BAZ1A: variants seen among roughly 807,000 people sequenced by gnomAD.
The protein encoded by BAZ1A is bromodomain adjacent to zinc finger domain 1A.
A neutral mutation model predicts 185.2 loss-of-function variants in BAZ1A; 50 were observed. The ratio of observed to expected loss-of-function variants is 0.27; its 90% CI spans 0.22 to 0.34. The LOEUF (loss-of-function observed/expected upper bound fraction) is 0.34. Among genes scored for constraint, BAZ1A ranks in the 10% least tolerant of loss-of-function variants. BAZ1A has a pLI of 1.00. For missense variants in BAZ1A, 1,356 were observed against 1,839.9 expected, an observed-to-expected ratio of 0.74 and a Z score of 4.81; for synonymous variants, 571 against 615.6, an observed-to-expected ratio of 0.93 and a Z score of 1.07.
chr14:34,817,576 GTC>G (rs1264358108), intron 4 of BAZ1A, among the ~76,000 whole-genome samples: 1 of 152,186 alleles, frequency 6.6e-6, no homozygotes, highest in Non-Finnish European at 1.5e-5. Context: ...AACAGAGCCA[GTC>G]TGTCTCAAAA....
chr14:34,831,309 G>T (rs2042239175), intron 3 of BAZ1A, among the ~76,000 whole-genome samples: 2 of 152,110 alleles, frequency 1.3e-5, no homozygotes, highest in Admixed American at 1.3e-4. Flanking sequence ...CTACTTTGCT[G>T]AGCTCATATA....
intron 21 of BAZ1A, among the ~76,000 whole-genome samples, chr14:34,767,601 A>G (rs1422840682): frequency 1.3e-5 from 2 of 152,054 alleles, no homozygotes; most frequent in Admixed American, 1.3e-4. Context: ...CATTTGATTT[A>G]TTTCTCCCCT....
intron 25 of BAZ1A, among the ~76,000 whole-genome samples, chr14:34,757,346 C>A: frequency 9.1e-6 from 1 of 110,492 alleles, no homozygotes. Context: ...GCCTGGATGA[C>A]AAGAGCAAGA....
intron 4 of BAZ1A, among the ~76,000 whole-genome samples, chr14:34,816,084 T>TTC (rs1174087290): frequency 1.5e-5 from 2 of 133,920 alleles, no homozygotes; most frequent in Non-Finnish European, 3.2e-5. Flanking sequence ...CCAGACCTTT[T>TTC]TTTTTTTTTT....
intron 3 of BAZ1A, among the ~76,000 whole-genome samples, chr14:34,834,187 G>C (rs551750329): frequency 1.3e-5 from 2 of 152,220 alleles, no homozygotes; most frequent in South Asian, 2.1e-4. Flanking sequence ...GATCTATCAG[G>C]GCTCATAATA....
intron 12 of BAZ1A, among the ~76,000 whole-genome samples, chr14:34,788,267 G>A (rs1001317559): frequency 2.0e-5 from 3 of 151,842 alleles, no homozygotes; most frequent in African/African-American, 4.8e-5. Context: ...CTCCCATATT[G>A]CTTGGATTAC....
intron 4 of BAZ1A, among the ~76,000 whole-genome samples, chr14:34,815,906 G>A (rs991081722): frequency 1.3e-5 from 2 of 151,850 alleles, no homozygotes; most frequent in African/African-American, 4.8e-5. Context: ...TATTTCTCAC[G>A]CATTAAGTTT....
Position 34,792,877 on chromosome 14 carries a change from G to A in BAZ1A, c.1408C>T (p.Leu470=), listed in dbSNP as rs1466054278. 8.7e-5 allele frequency: 140 copies of A among 1,613,606 alleles called. No individual in the cohort carries two copies. The highest frequency in any genetic ancestry group is 1.2e-4 in the Non-Finnish European group (138 of 1,179,900). The change falls in exon 12 of 27, where the codon CTG becomes TTG. Residue 470 remains leucine, a synonymous_variant. Transcript: ENST00000360310. ...ALVGNDSEGP[L]CELLFFFLTA... is the part of the protein sequence containing the mutation. ...AGGAAGAAAAAAAGCAATTCACACA[G>A]TGGGCCTTCACTGTCATTTCCTACA...
chr14:34,804,300 G>A (rs1566571457), intron 6 of BAZ1A, among the ~76,000 whole-genome samples: 1 of 152,102 alleles, frequency 6.6e-6, no homozygotes, highest in Admixed American at 6.5e-5. Flanking sequence ...AAGCCACTGC[G>A]CCCAGTCTTG....
At chr14:34,757,092 C>T (rs1213908174) in intron 25 of BAZ1A, among the ~76,000 whole-genome samples, 3 of 151,982 alleles carry the variant, frequency 2.0e-5, no homozygotes, top group South Asian at 4.2e-4. Flanking sequence ...TGGCTGGGCA[C>T]GGTGGCTCAT....
At chr14:34,798,837 G>A (rs1047835241) in intron 9 of BAZ1A, among the ~76,000 whole-genome samples, 5 of 152,132 alleles carry the variant, frequency 3.3e-5, no homozygotes, top group African/African-American at 7.2e-5. Context: ...GATTCCTCAA[G>A]GATCTAGAAC....
chr14:34,788,600 G>A (rs181334853), intron 12 of BAZ1A, among the ~76,000 whole-genome samples: 5 of 152,010 alleles, frequency 3.3e-5, no homozygotes, highest in African/African-American at 9.6e-5. Flanking sequence ...CACCATGCCC[G>A]GCCCATTTTC....
chr14:34,866,969 A>AAT (rs987483977), intron 2 of BAZ1A, among the ~76,000 whole-genome samples: 1 of 151,844 alleles, frequency 6.6e-6, no homozygotes, highest in Non-Finnish European at 1.5e-5. Context: ...TTTAAAAAAA[A>AAT]AAAAAATCCG....
At chr14:34,851,668 T>G (rs2042598825) in intron 3 of BAZ1A, among the ~76,000 whole-genome samples, 1 of 150,352 alleles carries the variant, frequency 6.7e-6, no homozygotes, top group South Asian at 2.1e-4. Flanking sequence ...AAAAAGACAA[T>G]GAGAACAAGG....
Position 34,836,129 on chromosome 14 carries a change from C to T in BAZ1A, c.393-9973G>A, listed in dbSNP as rs570988304. On this transcript the variant is annotated intron_variant, in intron 3 of 26. Coordinates refer to ENST00000360310, the MANE Select transcript of BAZ1A (RefSeq NM_013448.3). Reference sequence around the variant, plus strand: ...GCGCGGTGGCTCACGCCTGTAATCCCAGCACTTTGGGAGGCCGAGGCGGGC... The same window carrying T: ...GCGCGGTGGCTCACGCCTGTAATCCTAGCACTTTGGGAGGCCGAGGCGGGC... Among the ~76,000 whole-genome samples the T allele has an allele frequency of 2.7e-3, 73 of 27,368 alleles. 17 individuals carry two copies. Among genetic ancestry groups the T allele is most frequent in the African/African-American group, 6.2e-3 (65 of 10,406 alleles). The allele number at this position is 27,368 out of a possible 152,430, so 18.0% of individuals were successfully genotyped here.
intron 5 of BAZ1A, among the ~76,000 whole-genome samples, chr14:34,810,731 A>G (rs533109382): frequency 7.9e-5 from 12 of 152,122 alleles, no homozygotes; most frequent in African/African-American, 2.6e-4. Context: ...AAGTGCTAGG[A>G]TTACAGACAT....
At chr14:34,791,600 G>A (rs1257581167) in intron 12 of BAZ1A, among the ~76,000 whole-genome samples, 1 of 152,208 alleles carries the variant, frequency 6.6e-6, no homozygotes, top group Non-Finnish European at 1.5e-5. Flanking sequence ...GAAGGAAGAT[G>A]ATCCTGAATT....
In BAZ1A at chr14:34,754,927, TC is replaced by T; in HGVS notation, c.4387-14del. 9 of 1,558,018 alleles carry T rather than the reference TC, an allele frequency of 5.8e-6. No homozygotes were observed. The highest frequency in any genetic ancestry group is 7.8e-6 in the Non-Finnish European group (9 of 1,150,214). On this transcript the variant is annotated splice_polypyrimidine_tract_variant and intron_variant, in intron 25 of 26. Transcript: ENST00000360310. ...AGTAGTCTGGGACCTGTAAAATAAT[TC>T]AAATATCTCTGTCCACACAGAAAAC...
intron 7 of BAZ1A, among the ~76,000 whole-genome samples, chr14:34,801,838 G>T (rs1396725638): frequency 2.0e-5 from 3 of 151,410 alleles, no homozygotes; most frequent in African/African-American, 7.3e-5. Context: ...CCCAGGAGGT[G>T]GAGGTTGCAG....
Sources: allele counts gnomAD v4.1 joint callset (sites outside exome capture counted in the v4.1 genomes callset), GRCh38; gene constraint gnomAD v4.1.1; transcripts MANE v1.5; gene names NCBI Gene and HGNC (gene_info 2026-07-23, HGNC 2026-07-21).